Variants in HHAT observed in about 807,000 individuals in gnomAD.
HHAT encodes the protein hedgehog acyltransferase, also known as protein-cysteine N-palmitoyltransferase HHAT.
In HHAT, 47 loss-of-function variants were observed where a neutral mutation model predicts 70.8. The observed-to-expected ratio is 0.66, with a 90% CI of 0.53 to 0.85. HHAT has a LOEUF of 0.85. Ranked by LOEUF, HHAT falls within the 40% of genes least tolerant of loss-of-function variation. The pLI, the probability that HHAT is intolerant of heterozygous loss-of-function variation, is 0.00. For synonymous variants in HHAT, 228 were observed against 247.6 expected, an observed-to-expected ratio of 0.92 and a Z score of 0.74; for missense variants, 609 against 604.8, an observed-to-expected ratio of 1.01 and a Z score of -0.07.
Position 210,464,498 on chromosome 1 carries a change from C to G in HHAT, c.857-7C>G. 6.2e-7 allele frequency: 1 copy of G among 1,614,156 alleles called. No homozygotes were observed. The highest frequency in any genetic ancestry group is 8.5e-7 in the Non-Finnish European group (1 of 1,180,000). On this transcript the variant is annotated splice_region_variant and splice_polypyrimidine_tract_variant and intron_variant, in intron 7 of 11. Coordinates refer to ENST00000261458, the MANE Select transcript of HHAT (RefSeq NM_018194.6). The stretch of plus-strand genomic sequence containing the variant: ...CCATGTGTCTGACTGGTCTGTTTGC[C>G]TTTCAGGAGGACTGGCGTTAGCCCA...
At position 210,577,654 on chromosome 1, in the gene HHAT, TTTTTTTTTTTC is replaced by T. The variant is rs370981975; in HGVS notation, c.1044-10243_1044-10233del. 8.2e-3 allele frequency among the ~76,000 whole-genome samples: 1,071 copies of T among 129,938 alleles called. 29 individuals carry two copies. The highest frequency in any genetic ancestry group is 0.028 in the East Asian group (131 of 4,666). 85.2% of individuals were successfully genotyped at this position (129,938 alleles called of 152,430 possible). On this transcript the variant is annotated intron_variant, in intron 9 of 11. Transcript: ENST00000261458. ...CCTGTAGGATTTTTTTTTTTTTTTT[TTTTTTTTTTTC>T]GAAATGGAGTCTCACTCTGTCACCC... is the stretch of plus-strand genomic sequence containing the variant.
chr1:210,652,911 T>C (rs917213727), intron 11 of HHAT, among the ~76,000 whole-genome samples: 1 of 152,246 alleles, frequency 6.6e-6, no homozygotes, highest in African/African-American at 2.4e-5. Flanking sequence ...GAGAGCAGTT[T>C]GGCAGTATCT....
At chr1:210,515,111 C>A (rs2095031757) in intron 9 of HHAT, among the ~76,000 whole-genome samples, 1 of 152,200 alleles carries the variant, frequency 6.6e-6, no homozygotes, top group Non-Finnish European at 1.5e-5. Context: ...GAGGGTAAGG[C>A]TTCTCTCTAC....
At chr1:210,465,237 G>A (rs986486549) in intron 8 of HHAT, among the ~76,000 whole-genome samples, 1 of 152,140 alleles carries the variant, frequency 6.6e-6, no homozygotes, top group African/African-American at 2.4e-5. Flanking sequence ...ATGCTCTGTG[G>A]ACATGATAGA....
At chr1:210,361,390 C>A (rs1304832879) in intron 2 of HHAT, among the ~76,000 whole-genome samples, 6 of 152,216 alleles carry the variant, frequency 3.9e-5, no homozygotes, top group Non-Finnish European at 7.3e-5. Flanking sequence ...TGCCCTACTG[C>A]AATCACACAC....
intron 7 of HHAT, among the ~76,000 whole-genome samples, chr1:210,444,562 G>T (rs2093595034): frequency 6.7e-6 from 1 of 150,260 alleles, no homozygotes; most frequent in Non-Finnish European, 1.5e-5. Flanking sequence ...ACTTCTTCCT[G>T]GTTTAGTCTT....
At chr1:210,629,681 A>G (rs1324099773) in intron 11 of HHAT, among the ~76,000 whole-genome samples, 2 of 152,142 alleles carry the variant, frequency 1.3e-5, no homozygotes, top group Non-Finnish European at 2.9e-5. Flanking sequence ...TTTCCAGTTT[A>G]CAGAGACGGG....
At chr1:210,445,565 A>C (rs979184620) in intron 7 of HHAT, among the ~76,000 whole-genome samples, 4 of 152,182 alleles carry the variant, frequency 2.6e-5, no homozygotes, top group African/African-American at 9.7e-5. Context: ...TAGTGAACAT[A>C]TTTACATAAC....
chr1:210,620,868 T>G (rs1668678195), intron 10 of HHAT, among the ~76,000 whole-genome samples: 1 of 151,218 alleles, frequency 6.6e-6, no homozygotes, highest in Non-Finnish European at 1.5e-5. Flanking sequence ...GATCAGCAGC[T>G]CCTTCACAGT....
At chr1:210,652,898 A>G (rs1368686216) in intron 11 of HHAT, among the ~76,000 whole-genome samples, 2 of 152,238 alleles carry the variant, frequency 1.3e-5, no homozygotes, top group Non-Finnish European at 2.9e-5. Flanking sequence ...CAGCTCCTCT[A>G]GAGAGAGCAG....
At chr1:210,346,071 A>G (rs1286469030) in intron 1 of HHAT, among the ~76,000 whole-genome samples, 2 of 62,328 alleles carry the variant, frequency 3.2e-5, no homozygotes, top group East Asian at 5.3e-4. Context: ...CTCCAGGAAG[A>G]AAAAAAAAAA....
intron 11 of HHAT, among the ~76,000 whole-genome samples, chr1:210,667,010 G>A (rs900592274): frequency 3.0e-4 from 45 of 151,796 alleles, no homozygotes; most frequent in African/African-American, 1.0e-3. Flanking sequence ...AACCCGGAAG[G>A]CAGAGCTTGC....
At chr1:210,411,248 G>T (rs2092543159) in intron 6 of HHAT, among the ~76,000 whole-genome samples, 1 of 152,182 alleles carries the variant, frequency 6.6e-6, no homozygotes, top group South Asian at 2.1e-4. Flanking sequence ...CTGGGATGGG[G>T]CTCCATACCA....
At chr1:210,637,038 C>T (rs1671993635) in intron 11 of HHAT, among the ~76,000 whole-genome samples, 1 of 152,134 alleles carries the variant, frequency 6.6e-6, no homozygotes, top group Admixed American at 6.5e-5. Flanking sequence ...GAGAAAAACA[C>T]CTACCTCGTA....
At chr1:210,340,314 TTGG>T (rs2085929586) in intron 1 of HHAT, among the ~76,000 whole-genome samples, 1 of 149,950 alleles carries the variant, frequency 6.7e-6, no homozygotes, top group African/African-American at 2.4e-5. Flanking sequence ...GAATCTGGAC[TTGG>T]TGGTTTTCTT....
chr1:210,439,824 G>A (rs2093464508), intron 7 of HHAT: 1 of 151,956 alleles, frequency 6.6e-6, no homozygotes, highest in Admixed American at 6.5e-5. Context: ...GACAAGTGAT[G>A]TTCCCTGAGG....
Position 210,451,336 on chromosome 1 carries a change from T to C in HHAT, c.857-13169T>C, listed in dbSNP as rs532177401. 7.9e-5 allele frequency among the ~76,000 whole-genome samples: 12 copies of C among 152,314 alleles called. No individual in the cohort carries two copies. The South Asian group carries it at 2.5e-3, about 32-fold the overall frequency. On this transcript the variant is annotated intron_variant, in intron 7 of 11. Transcript: ENST00000261458. ...ACTTCTGTGGCATAAGATTTCTCTTTGAAATTCCCTGCATGTTCTCTTTTT... is the reference window on the plus strand; with the variant it reads ...ACTTCTGTGGCATAAGATTTCTCTTCGAAATTCCCTGCATGTTCTCTTTTT...
intron 8 of HHAT, among the ~76,000 whole-genome samples, chr1:210,482,557 A>C (rs1027473566): frequency 6.6e-6 from 1 of 152,140 alleles, no homozygotes; most frequent in African/African-American, 2.4e-5. Context: ...CTTTTTTACA[A>C]CCGTGATCCC....
intron 5 of HHAT, among the ~76,000 whole-genome samples, chr1:210,402,386 T>G (rs1572177860): frequency 2.0e-5 from 3 of 152,334 alleles, no homozygotes; most frequent in Admixed American, 2.0e-4. Flanking sequence ...CAGGAGCTGT[T>G]TTTTTGAGTC....
Sources: allele counts gnomAD v4.1 joint callset (sites outside exome capture counted in the v4.1 genomes callset), GRCh38; gene constraint gnomAD v4.1.1; transcripts MANE v1.5; gene names NCBI Gene and HGNC (gene_info 2026-07-23, HGNC 2026-07-21).